Variants in SATB1 observed in about 807,000 individuals in gnomAD.
The protein encoded by SATB1 is DNA-binding protein SATB1.
A neutral mutation model predicts 86.9 loss-of-function variants in SATB1; 11 were observed. That is an observed-to-expected ratio of 0.13 (90% CI 0.08 to 0.21). The LOEUF (loss-of-function observed/expected upper bound fraction) is 0.21, where lower values mean the gene tolerates loss of function less well. SATB1 is among the 10% of genes least tolerant of loss of function. The pLI, the probability that SATB1 is intolerant of heterozygous loss-of-function variation, is 1.00. For missense variants in SATB1, 551 were observed against 937.6 expected (o/e 0.59, Z 5.39); for synonymous variants, 357 against 357.2 (o/e 1.00, Z 0.01).
At chr3:18,427,519 C>T (rs1223278783), upstream of SATB1, among the ~76,000 whole-genome samples, 1 of 151,990 alleles carries the variant, frequency 6.6e-6, no homozygotes, top group Admixed American at 6.6e-5. Flanking sequence ...ACAAAGATCA[C>T]GGGAAATATC....
intron 7 of SATB1, among the ~76,000 whole-genome samples, chr3:18,391,789 C>T (rs1209988382): frequency 6.6e-6 from 1 of 152,188 alleles, no homozygotes; most frequent in Non-Finnish European, 1.5e-5. Context: ...ACCCTCTGCA[C>T]CTGCTTTTAT....
In SATB1 at chr3:18,416,066, T is replaced by G; in HGVS notation, c.456A>C (p.Thr152=). Residue 152 remains threonine (T), a synonymous_variant, in exon 4 of 11, where the codon ACA becomes ACC. Coordinates refer to ENST00000338745, the MANE Select transcript of SATB1 (RefSeq NM_002971.6). ...ACACATCTTGAAGCATATCTGCTACTGTAGCATCAGGGGCATCTGTCACGT... is the reference window on the plus strand; with the variant it reads ...ACACATCTTGAAGCATATCTGCTACGGTAGCATCAGGGGCATCTGTCACGT... The part of the protein sequence containing the change: ...LSYVTDAPDA[T]VADMLQDVYH... 1 of 1,611,086 alleles carries G rather than the reference T, an allele frequency of 6.2e-7. No homozygotes were observed. Among genetic ancestry groups the G allele is most frequent in the Non-Finnish European group, 8.5e-7 (1 of 1,178,072 alleles).
intron 5 of SATB1, among the ~76,000 whole-genome samples, chr3:18,401,209 G>C (rs1697248849): frequency 6.6e-6 from 1 of 152,172 alleles, no homozygotes; most frequent in South Asian, 2.1e-4. Context: ...GCTGGACACA[G>C]ACTAGGTGAT....
chr3:18,376,226 TA>T (rs1368005152), intron 9 of SATB1, among the ~76,000 whole-genome samples: 2 of 145,648 alleles, frequency 1.4e-5, no homozygotes, highest in African/African-American at 5.2e-5. Context: ...AAGTCAAAGA[TA>T]GCAAAGGAAT....
intron 7 of SATB1, among the ~76,000 whole-genome samples, chr3:18,390,795 G>T (rs1383463895): frequency 6.6e-6 from 1 of 152,092 alleles, no homozygotes; most frequent in Non-Finnish European, 1.5e-5. Flanking sequence ...CACAGAGTGG[G>T]ATCAGAGTTA....
intron 6 of SATB1, among the ~76,000 whole-genome samples, chr3:18,396,514 T>C (rs748942631): frequency 2.6e-5 from 4 of 152,200 alleles, no homozygotes; most frequent in African/African-American, 4.8e-5. Context: ...TTAGGTACCA[T>C]ACACAACTTT....
At chr3:18,433,597 A>G (rs1575185598) in intron 2 of SATB1, among the ~76,000 whole-genome samples, 1 of 152,240 alleles carries the variant, frequency 6.6e-6, no homozygotes, top group East Asian at 1.9e-4. Flanking sequence ...AAATTCATGT[A>G]TAAATCATTT....
At chr3:18,391,273 A>G (rs1156741267) in intron 7 of SATB1, among the ~76,000 whole-genome samples, 1 of 152,190 alleles carries the variant, frequency 6.6e-6, no homozygotes, top group Non-Finnish European at 1.5e-5. Flanking sequence ...CTCAATTCAT[A>G]CAAGTGTTTT....
At chr3:18,384,687 TTC>T (rs1464811529) in intron 8 of SATB1, among the ~76,000 whole-genome samples, 3 of 152,186 alleles carry the variant, frequency 2.0e-5, no homozygotes, top group Admixed American at 6.5e-5. Context: ...CGTATATTTT[TTC>T]TTTTTTATCA....
upstream of SATB1, among the ~76,000 whole-genome samples, chr3:18,429,389 C>G (rs1698816953): frequency 6.6e-6 from 1 of 152,194 alleles, no homozygotes; most frequent in Non-Finnish European, 1.5e-5. This position sits in a 1 kb window ranked among gnomAD's most constrained non-coding sequence, Gnocchi z 4.1. Context: ...ACATTGCACG[C>G]TTCTTCTCAC....
chr3:18,422,344 A>T (rs747918179), intron 1 of SATB1, among the ~76,000 whole-genome samples: 22 of 152,326 alleles, frequency 1.4e-4, no homozygotes, highest in African/African-American at 5.3e-4. Flanking sequence ...CTTACCATAT[A>T]ATCAAGAAAA....
At chr3:18,400,204 G>C (rs1048575692) in intron 5 of SATB1, among the ~76,000 whole-genome samples, 5 of 152,178 alleles carry the variant, frequency 3.3e-5, no homozygotes, top group African/African-American at 7.2e-5. Flanking sequence ...TGTTAGAAAG[G>C]CTTGGGATTC....
At position 18,346,983 on chromosome 3, in the gene SATB1, GC is replaced by G. The variant is rs1694089961; in HGVS notation, c.*2186del. The G allele has an allele frequency of 6.6e-6, 1 of 152,018 alleles. No individual in the cohort carries two copies. Among genetic ancestry groups the G allele is most frequent in the Non-Finnish European group, 1.5e-5 (1 of 67,986 alleles). 9.4% of individuals were successfully genotyped at this position (152,018 alleles called of 1,614,324 possible). A position where few individuals can be genotyped will look rare whatever the true frequency, so the allele number is the denominator to read the frequency against. ...TTGTTTTCTTACTAAATAAAAAGTG[GC>G]AACTTTTCAGTACAATTTTAAGTTT... On this transcript the variant is annotated 3_prime_UTR_variant, in exon 11 of 11. Transcript: ENST00000338745.
chr3:18,412,372 A>C (rs1356843663), intron 5 of SATB1, among the ~76,000 whole-genome samples: 2 of 152,016 alleles, frequency 1.3e-5, no homozygotes, highest in Non-Finnish European at 2.9e-5. Context: ...GTGGCTCCCC[A>C]GTTCCACTCC....
At chr3:18,440,526 G>T (rs1028249276), upstream of SATB1, among the ~76,000 whole-genome samples, 38 of 152,110 alleles carry the variant, frequency 2.5e-4, 1 homozygote, top group Middle Eastern at 3.2e-3. Context: ...CTTCAGGAAG[G>T]TAAGTAATAT....
At chr3:18,387,276 A>G (rs1290884115) in intron 7 of SATB1, among the ~76,000 whole-genome samples, 1 of 152,244 alleles carries the variant, frequency 6.6e-6, no homozygotes, top group Non-Finnish European at 1.5e-5. Flanking sequence ...ACTGGGTAAC[A>G]GGTTTAAATT....
Position 18,394,407 on chromosome 3 carries a change from C to T in SATB1, c.1206+55G>A. 6.9e-7 allele frequency: 1 copy of T among 1,457,062 alleles called. No individual in the cohort carries two copies. The highest frequency in any genetic ancestry group is 1.4e-5 in the African/African-American group (1 of 71,408). The allele number at this position is 1,457,062 out of a possible 1,614,324, so 90.3% of individuals were successfully genotyped here. On this transcript the variant is annotated intron_variant, in intron 7 of 10. Transcript: ENST00000338745. This position sits in a 1 kb window ranked among gnomAD's most constrained non-coding sequence, Gnocchi z 5.9. ...GAATAAACTTTAGTTATAGATGGGA[C>T]TAAAGAAAGAGAAAATAGGAGACAG...
intron 7 of SATB1, among the ~76,000 whole-genome samples, chr3:18,393,174 A>G (rs1397306194): frequency 6.6e-6 from 1 of 152,146 alleles, no homozygotes; most frequent in African/African-American, 2.4e-5. Flanking sequence ...ATAATCATGT[A>G]ATAAACAAAA....
Position 18,349,825 on chromosome 3 carries a change from G to T in SATB1, c.1780-143C>A, listed in dbSNP as rs575189802. ...AAGATTTAGAAAGAAAAGGTAGGCC[G>T]GCGAAATGGCCGACAGCATTTACAA... is the stretch of plus-strand genomic sequence containing the variant. On this transcript the variant is annotated intron_variant, in intron 10 of 10. Coordinates refer to ENST00000338745, the MANE Select transcript of SATB1 (RefSeq NM_002971.6). This position sits in a 1 kb window ranked among gnomAD's most constrained non-coding sequence, Gnocchi z 5.5. 7 of 1,372,224 alleles carry T rather than the reference G, an allele frequency of 5.1e-6. No homozygotes were observed. Among genetic ancestry groups the T allele is most frequent in the Non-Finnish European group, 5.7e-6 (6 of 1,046,024 alleles). The allele number at this position is 1,372,224 out of a possible 1,614,324, so 85.0% of individuals were successfully genotyped here. A position where few individuals can be genotyped will look rare whatever the true frequency, so the allele number is the denominator to read the frequency against.
Sources: allele counts gnomAD v4.1 joint callset (sites outside exome capture counted in the v4.1 genomes callset), GRCh38; gene constraint gnomAD v4.1.1; non-coding constraint Gnocchi (gnomAD v3.1); transcripts MANE v1.5; gene names NCBI Gene and HGNC (gene_info 2026-07-23, HGNC 2026-07-21).